PKDREJ: variants seen among roughly 807,000 people sequenced by gnomAD.
The protein encoded by PKDREJ is polycystin family receptor for egg jelly.
For missense variants in PKDREJ, 2,507 were observed against 2,807.2 expected (o/e 0.89, Z 2.42); for synonymous variants, 1,031 against 1,095.5 (o/e 0.94, Z 1.16).
At position 46,260,771 on chromosome 22, in the gene PKDREJ, G is replaced by A; in HGVS notation, c.2552C>T (p.Thr851Ile). The change falls in exon 1 of 1, where the codon ACC becomes ATC. Residue 851 changes from threonine (T) to isoleucine (I), a missense_variant. Physicochemically the swap from Thr to Ile is moderately conservative, Grantham distance 89. Transcript: ENST00000253255. This position sits in a 1 kb window ranked among gnomAD's most constrained non-coding sequence, Gnocchi z 4.5. ...ILANKVPGNK[T>I]TSMRTPNFNM... ...GAAATTGGGGGTTCTCATTGAGGTG[G>A]TTTTGTTCCCTGGCACTTTATTAGC... The A allele has an allele frequency of 3.7e-6, 6 of 1,614,054 alleles. No individual in the cohort carries two copies. The highest frequency in any genetic ancestry group is 5.1e-6 in the Non-Finnish European group (6 of 1,179,948).
At position 46,262,212 on chromosome 22, in the gene PKDREJ, G is replaced by T; in HGVS notation, c.1111C>A (p.Gln371Lys). The part of the protein sequence containing the change: ...SSDPDADSPL[Q>K]GLQFFWYCTT... ...CAGTACCAAAAGAACTGGAGTCCCT[G>T]TAACGGGCTGTCCGCATCTGGGTCC... is the stretch of plus-strand genomic sequence containing the variant. Residue 371 changes from glutamine (Q) to lysine (K), a missense_variant, in exon 1 of 1, where the codon CAG becomes AAG. By Grantham distance (53) the Gln-to-Lys change is moderately conservative (BLOSUM62 1). Transcript: ENST00000253255. This position sits in a 1 kb window ranked among gnomAD's most constrained non-coding sequence, Gnocchi z 8.1. 1 of 1,614,184 alleles carries T rather than the reference G, an allele frequency of 6.2e-7. No individual in the cohort carries two copies. The highest frequency in any genetic ancestry group is 8.5e-7 in the Non-Finnish European group (1 of 1,180,028).
chr22:46,259,874 G>T lies in PKDREJ; in HGVS notation c.3449C>A (p.Thr1150Lys). Residue 1150 changes from threonine (T) to lysine (K), a missense_variant, in exon 1 of 1, where the codon ACG becomes AAG. Thr to Lys is a moderately conservative substitution (Grantham distance 78). Transcript: ENST00000253255. This position sits in a 1 kb window ranked among gnomAD's most constrained non-coding sequence, Gnocchi z 6.8. ...ATAGTGGGTATGCAGGTGAATGCCC[G>T]TGAGTCCGATTGTGCCCAGCTGCCG... is the stretch of plus-strand genomic sequence containing the variant. Reference protein sequence around the residue: ...ARRQLGTIGLTGIHLHTHYVM... With the variant: ...ARRQLGTIGLKGIHLHTHYVM... 2.5e-6 allele frequency: 4 copies of T among 1,613,368 alleles called. No homozygotes were observed. In the South Asian group the frequency reaches 4.4e-5, roughly 18 times the overall value.
rs751780584 is a variant in PKDREJ, at chr22:46,256,589, C to T, written c.6734G>A (p.Gly2245Glu). 1.2e-6 allele frequency: 2 copies of T among 1,613,494 alleles called. No individual in the cohort carries two copies. Among genetic ancestry groups the T allele is most frequent in the South Asian group, 2.2e-5 (2 of 90,980 alleles). ...AACAACAAGGTAAACCATTTTCTTC[C>T]CGTTGATGTTTCTGGTCTTCAGCCC... ...YLGLKTRNIN[G>E]KKMVYLVV The change falls in exon 1 of 1, where the codon GGG becomes GAG. Residue 2245 changes from glycine (G) to glutamate (E), a missense_variant. Coordinates refer to ENST00000253255, the MANE Select transcript of PKDREJ (RefSeq NM_006071.2). The surrounding 1 kb of genome is among the most constrained non-coding windows in gnomAD (Gnocchi z 5.3).
chr22:46,258,888 C>A lies in PKDREJ; in HGVS notation c.4435G>T (p.Glu1479Ter). Reference sequence around the variant, plus strand: ...TAAGCATGCCACTTTCTCAAGTATTCTTCCCAGTGCTCACTTGCTTCTGAC... The same window carrying A: ...TAAGCATGCCACTTTCTCAAGTATTATTCCCAGTGCTCACTTGCTTCTGAC... ...LMSEASEHWE[E>*]YLRKWHAYET... The change falls in exon 1 of 1, where the codon GAA becomes TAA. Residue 1479 changes from glutamate to a stop codon, truncating the protein, a stop_gained. Transcript: ENST00000253255. LOFTEE classifies it low-confidence loss of function (END_TRUNC). This position sits in a 1 kb window ranked among gnomAD's most constrained non-coding sequence, Gnocchi z 6.1. 6.2e-7 allele frequency: 1 copy of A among 1,614,166 alleles called. No homozygotes were observed. The highest frequency in any genetic ancestry group is 8.5e-7 in the Non-Finnish European group (1 of 1,180,016).
Position 46,258,663 on chromosome 22 carries a change from G to T in PKDREJ, c.4660C>A (p.Gln1554Lys). Residue 1554 changes from glutamine to lysine, a missense_variant, in exon 1 of 1, where the codon CAG becomes AAG. Gln to Lys is a moderately conservative substitution (Grantham distance 53). Transcript: ENST00000253255. The surrounding 1 kb of genome is among the most constrained non-coding windows in gnomAD (Gnocchi z 6.1). Reference protein sequence around the residue: ...IEDDQDVHSEQHPSQKDLQQL... With the variant: ...IEDDQDVHSEKHPSQKDLQQL... ...TGGAGATCCTTTTGGGAAGGGTGCT[G>T]TTCGGAATGGACATCCTGATCATCT... is the stretch of plus-strand genomic sequence containing the variant. 1 of 1,614,212 alleles carries T rather than the reference G, an allele frequency of 6.2e-7. No individual in the cohort carries two copies.
At position 46,256,394 on chromosome 22, in the gene PKDREJ, C is replaced by T; in HGVS notation, c.*167G>A. ...ACTACACTCCCAACTTTTACACTCC[C>T]AAGAGCAGAGGACAAGATTGGGGAT... On this transcript the variant is annotated 3_prime_UTR_variant, in exon 1 of 1. Transcript: ENST00000253255. This position sits in a 1 kb window ranked among gnomAD's most constrained non-coding sequence, Gnocchi z 5.3. 1 of 1,228,670 alleles carries T rather than the reference C, an allele frequency of 8.1e-7. No homozygotes were observed. Among genetic ancestry groups the T allele is most frequent in the Non-Finnish European group, 1.1e-6 (1 of 898,634 alleles). The allele number at this position is 1,228,670 out of a possible 1,614,324, so 76.1% of individuals were successfully genotyped here. A position where few individuals can be genotyped will look rare whatever the true frequency, so the allele number is the denominator to read the frequency against.
In PKDREJ at chr22:46,259,576, A is replaced by T; in HGVS notation, c.3747T>A (p.Asn1249Lys). ...CAGTTCCTCTAAGTTGCACAAAGAC[A>T]TTGGCCCTGGTCCCAGACCCCCAAC... is the stretch of plus-strand genomic sequence containing the variant. ...GSRWGSGTRA[N>K]VFVQLRGTVS... The change falls in exon 1 of 1, where the codon AAT becomes AAA. Residue 1249 changes from asparagine (N) to lysine (K), a missense_variant. Transcript: ENST00000253255. The surrounding 1 kb of genome is among the most constrained non-coding windows in gnomAD (Gnocchi z 6.8). 2 of 1,614,202 alleles carry T rather than the reference A, an allele frequency of 1.2e-6. No individual in the cohort carries two copies. The highest frequency in any genetic ancestry group is 1.1e-5 in the South Asian group (1 of 91,086).
In PKDREJ at chr22:46,257,557, A is replaced by G. The variant is rs1936646543; in HGVS notation, c.5766T>C (p.Asn1922=). 7.4e-6 allele frequency: 12 copies of G among 1,614,206 alleles called. No homozygotes were observed. The highest frequency in any genetic ancestry group is 1.0e-5 in the Non-Finnish European group (12 of 1,180,042). The part of the protein sequence containing the change: ...WAVVLELTTF[N]PDINLFCSIS... ...TGCTACAGAACAGATTTATATCTGGATTAAAAGTTGTTAATTCCAAAACCA... is the reference window on the plus strand; with the variant it reads ...TGCTACAGAACAGATTTATATCTGGGTTAAAAGTTGTTAATTCCAAAACCA... The change falls in exon 1 of 1, where the codon AAT becomes AAC. Residue 1922 remains asparagine (N), a synonymous_variant. Transcript: ENST00000253255. The surrounding 1 kb of genome is among the most constrained non-coding windows in gnomAD (Gnocchi z 4.7).
In PKDREJ at chr22:46,258,977, G is replaced by T; in HGVS notation, c.4346C>A (p.Thr1449Asn). Residue 1449 changes from threonine (T) to asparagine (N), a missense_variant, in exon 1 of 1, where the codon ACC becomes AAC. Physicochemically the swap from Thr to Asn is moderately conservative, Grantham distance 65. Transcript: ENST00000253255. The surrounding 1 kb of genome is among the most constrained non-coding windows in gnomAD (Gnocchi z 6.1). The part of the protein sequence containing the change: ...PVQLLITFLF[T>N]CSQRKPQADL... ...CGCTTGAGGTTTCCTCTGGGAACAG[G>T]TGAACAAAAAAGTTATTAATAATTG... 1 of 1,614,078 alleles carries T rather than the reference G, an allele frequency of 6.2e-7. No individual in the cohort carries two copies. The highest frequency in any genetic ancestry group is 8.5e-7 in the Non-Finnish European group (1 of 1,179,976).
chr22:46,261,474 G>C lies in PKDREJ; in HGVS notation c.1849C>G (p.Leu617Val). 1 of 1,614,114 alleles carries C rather than the reference G, an allele frequency of 6.2e-7. No individual in the cohort carries two copies. The highest frequency in any genetic ancestry group is 8.5e-7 in the Non-Finnish European group (1 of 1,179,998). Residue 617 changes from leucine (L) to valine (V), a missense_variant, in exon 1 of 1, where the codon CTG becomes GTG. Physicochemically the swap from Leu to Val is conservative, Grantham distance 32. Coordinates refer to ENST00000253255, the MANE Select transcript of PKDREJ (RefSeq NM_006071.2). This position sits in a 1 kb window ranked among gnomAD's most constrained non-coding sequence, Gnocchi z 7.1. Reference sequence around the variant, plus strand: ...GGCCCCAAGTACAGGATGGTCCCCAGGGTGTTCTCTTTTACTGAACTGATT... The same window carrying C: ...GGCCCCAAGTACAGGATGGTCCCCACGGTGTTCTCTTTTACTGAACTGATT... ...GEISSVKENTLGTILYLGPQS... is the reference protein window; with the variant it reads ...GEISSVKENTVGTILYLGPQS...
At position 46,262,023 on chromosome 22, in the gene PKDREJ, C is replaced by G; in HGVS notation, c.1300G>C (p.Val434Leu). Reference sequence around the variant, plus strand: ...GCTGTCCTAGAGTCCTTCCGAATCACCATTCTGAAGAAATACACGTGGTCG... The same window carrying G: ...GCTGTCCTAGAGTCCTTCCGAATCAGCATTCTGAAGAAATACACGTGGTCG... ...KGDHVYFFRMVIRKDSRTAFS... is the reference protein window; with the variant it reads ...KGDHVYFFRMLIRKDSRTAFS... The change falls in exon 1 of 1, where the codon GTG (valine) becomes CTG (leucine). Residue 434 changes from valine (V) to leucine (L), a missense_variant. Coordinates refer to ENST00000253255, the MANE Select transcript of PKDREJ (RefSeq NM_006071.2). This position sits in a 1 kb window ranked among gnomAD's most constrained non-coding sequence, Gnocchi z 8.1. 1 of 1,614,124 alleles carries G rather than the reference C, an allele frequency of 6.2e-7. No individual in the cohort carries two copies. Among genetic ancestry groups the G allele is most frequent in the Non-Finnish European group, 8.5e-7 (1 of 1,180,008 alleles).
Position 46,262,697 on chromosome 22 carries a change from G to A in PKDREJ, c.626C>T (p.Ser209Phe), listed in dbSNP as rs781702269. Residue 209 changes from serine to phenylalanine, a missense_variant, in exon 1 of 1, where the codon TCC becomes TTC. By Grantham distance (155) the Ser-to-Phe change is radical (BLOSUM62 -2). Coordinates refer to ENST00000253255, the MANE Select transcript of PKDREJ (RefSeq NM_006071.2). This position sits in a 1 kb window ranked among gnomAD's most constrained non-coding sequence, Gnocchi z 8.1. ...SSHRAVESSVSCQINACVIQR... is the reference protein window; with the variant it reads ...SSHRAVESSVFCQINACVIQR... ...GATGACGCAGGCGTTTATCTGACAG[G>A]ACACGGACGACTCGACGGCTCTGTG... The A allele has an allele frequency of 6.2e-7, 1 of 1,612,974 alleles. No individual in the cohort carries two copies. Among genetic ancestry groups the A allele is most frequent in the Non-Finnish European group, 8.5e-7 (1 of 1,179,714 alleles).
In PKDREJ at chr22:46,260,428, A is replaced by T. The variant is rs764575381; in HGVS notation, c.2895T>A (p.Asn965Lys). The T allele has an allele frequency of 6.2e-7, 1 of 1,614,192 alleles. No homozygotes were observed. The change falls in exon 1 of 1, where the codon AAT (asparagine) becomes AAA (lysine). Residue 965 changes from asparagine (N) to lysine (K), a missense_variant. Coordinates refer to ENST00000253255, the MANE Select transcript of PKDREJ (RefSeq NM_006071.2). The surrounding 1 kb of genome is among the most constrained non-coding windows in gnomAD (Gnocchi z 4.5). ...VRKNLTFAAF[N>K]LTVGPNSEVD... ...CCTCGCTGTTGGGTCCCACTGTGAG[A>T]TTAAAAGCTGCAAAGGTCAAGTTTT... is the stretch of plus-strand genomic sequence containing the variant.
Position 46,260,211 on chromosome 22 carries a change from C to A in PKDREJ, c.3112G>T (p.Ala1038Ser), listed in dbSNP as rs1226179400. The A allele has an allele frequency of 6.2e-7, 1 of 1,614,104 alleles. No individual in the cohort carries two copies. The highest frequency in any genetic ancestry group is 8.5e-7 in the Non-Finnish European group (1 of 1,180,026). The change falls in exon 1 of 1, where the codon GCC (alanine) becomes TCC (serine). Residue 1038 changes from alanine (A) to serine (S), a missense_variant. Coordinates refer to ENST00000253255, the MANE Select transcript of PKDREJ (RefSeq NM_006071.2). The surrounding 1 kb of genome is among the most constrained non-coding windows in gnomAD (Gnocchi z 4.5). The part of the protein sequence containing the change: ...FLVPHDIPPF[A>S]SQSALFDPAC... ...GGGTCAAACAGGGCACTCTGGCTGG[C>A]AAATGGAGGGATGTCATGAGGCACC...
At position 46,260,934 on chromosome 22, in the gene PKDREJ, G is replaced by A. The variant is rs140368137; in HGVS notation, c.2389C>T (p.Arg797Cys). Residue 797 changes from arginine (R) to cysteine (C), a missense_variant, in exon 1 of 1, where the codon CGC becomes TGC. Coordinates refer to ENST00000253255, the MANE Select transcript of PKDREJ (RefSeq NM_006071.2). This position sits in a 1 kb window ranked among gnomAD's most constrained non-coding sequence, Gnocchi z 4.5. ...ATTTCTATTTGTTCAGATCGAAAGC[G>A]TTTATCTTTTTGCTGATACTCTTGT... ...ALQEYQQKDK[R>C]FRSEQIEIVS... is the part of the protein sequence containing the mutation. 161 of 1,614,102 alleles carry A rather than the reference G, an allele frequency of 1.0e-4. No homozygotes were observed. In the African/African-American group the frequency reaches 1.6e-3, roughly 16 times the overall value.
chr22:46,260,660 G>T lies in PKDREJ; in HGVS notation c.2663C>A (p.Thr888Lys), dbSNP rs975549893. 6.2e-7 allele frequency: 1 copy of T among 1,614,022 alleles called. No individual in the cohort carries two copies. Among genetic ancestry groups the T allele is most frequent in the Non-Finnish European group, 8.5e-7 (1 of 1,179,980 alleles). The change falls in exon 1 of 1, where the codon ACA becomes AAA. Residue 888 changes from threonine to lysine, a missense_variant. Thr to Lys is a moderately conservative substitution (Grantham distance 78, BLOSUM62 -1). Coordinates refer to ENST00000253255, the MANE Select transcript of PKDREJ (RefSeq NM_006071.2). The surrounding 1 kb of genome is among the most constrained non-coding windows in gnomAD (Gnocchi z 4.5). ...EKHCRNCFYPTLNVSSVPGLS... is the reference protein window; with the variant it reads ...EKHCRNCFYPKLNVSSVPGLS... Reference sequence around the variant, plus strand: ...ACCAGGAACACTGCTCACATTGAGTGTTGGATAAAAACAATTTCTGCAGTG... The same window carrying T: ...ACCAGGAACACTGCTCACATTGAGTTTTGGATAAAAACAATTTCTGCAGTG...
chr22:46,260,094 C>T lies in PKDREJ; in HGVS notation c.3229G>A (p.Val1077Ile). ...CGAGGTGCCTGCAGAACTATGGATA[C>T]AGTACAGTGGGGAGAGTGGCTGTGC... ...AQHSHSPHCT[V>I]SIVLQAPRFV... The change falls in exon 1 of 1, where the codon GTA becomes ATA. Residue 1077 changes from valine to isoleucine, a missense_variant. By Grantham distance (29) the Val-to-Ile change is conservative (BLOSUM62 3). Transcript: ENST00000253255. This position sits in a 1 kb window ranked among gnomAD's most constrained non-coding sequence, Gnocchi z 4.5. 1.9e-6 allele frequency: 3 copies of T among 1,613,956 alleles called. No individual in the cohort carries two copies. The highest frequency in any genetic ancestry group is 1.1e-5 in the South Asian group (1 of 91,062).
chr22:46,256,430 G>A lies in PKDREJ; in HGVS notation c.*131C>T. On this transcript the variant is annotated 3_prime_UTR_variant, in exon 1 of 1. Transcript: ENST00000253255. This position sits in a 1 kb window ranked among gnomAD's most constrained non-coding sequence, Gnocchi z 5.3. ...GACAAGATTGGGGATTCTTCCAAAT[G>A]TAGGGGATGTGCCTTGTGAAGGACA... 1 of 1,449,382 alleles carries A rather than the reference G, an allele frequency of 6.9e-7. No homozygotes were observed. The highest frequency in any genetic ancestry group is 9.2e-7 in the Non-Finnish European group (1 of 1,088,082). 89.8% of individuals were successfully genotyped at this position (1,449,382 alleles called of 1,614,324 possible). A position where few individuals can be genotyped will look rare whatever the true frequency, so the allele number is the denominator to read the frequency against.
In PKDREJ at chr22:46,260,070, G is replaced by A. The variant is rs764096827; in HGVS notation, c.3253C>T (p.Arg1085Cys). ...CTVSIVLQAP[R>C]FVMKLNDKLV... ...TTGTCATTGAGCTTCATGACAAAAC[G>A]AGGTGCCTGCAGAACTATGGATACA... The change falls in exon 1 of 1, where the codon CGT (arginine) becomes TGT (cysteine). Residue 1085 changes from arginine to cysteine, a missense_variant. Physicochemically the swap from Arg to Cys is radical, Grantham distance 180. Coordinates refer to ENST00000253255, the MANE Select transcript of PKDREJ (RefSeq NM_006071.2). The surrounding 1 kb of genome is among the most constrained non-coding windows in gnomAD (Gnocchi z 4.5). 35 of 1,613,916 alleles carry A rather than the reference G, an allele frequency of 2.2e-5. No homozygotes were observed. The highest frequency in any genetic ancestry group is 2.5e-5 in the Non-Finnish European group (30 of 1,179,978).
Sources: gnomAD v4.1 joint callset for allele counts on GRCh38, gnomAD v4.1.1 for gene constraint, Gnocchi (gnomAD v3.1) non-coding constraint, MANE v1.5 for transcripts, NCBI Gene and HGNC (gene_info 2026-07-23, HGNC 2026-07-21) for gene names.